Variants in ITGA9 observed in about 807,000 individuals in gnomAD.
ITGA9 encodes the protein integrin alpha-9.
In ITGA9, 56 loss-of-function variants were observed where a neutral mutation model predicts 127.8. That is an observed-to-expected ratio of 0.44 (90% confidence interval 0.35 to 0.55). The LOEUF is 0.55. Ranked by LOEUF, ITGA9 falls within the 20% of genes least tolerant of loss-of-function variation. The probability of loss-of-function intolerance (pLI) is 0.00; values close to 1 mark genes in which losing one functional copy is unlikely to be tolerated. For missense variants in ITGA9, 1,196 were observed against 1,347.1 expected, an observed-to-expected ratio of 0.89 and a Z score of 1.76; for synonymous variants, 508 against 514.5, an observed-to-expected ratio of 0.99 and a Z score of 0.17.
At chr3:37,557,411 C>G (rs1219687992) in intron 15 of ITGA9, among the ~76,000 whole-genome samples, 2 of 152,140 alleles carry the variant, frequency 1.3e-5, no homozygotes, top group East Asian at 3.9e-4. Flanking sequence ...CTACAGAGAG[C>G]TAGGGAAGCG....
At chr3:37,709,947 C>A (rs1230197126) in intron 18 of ITGA9, among the ~76,000 whole-genome samples, 1 of 152,170 alleles carries the variant, frequency 6.6e-6, no homozygotes, top group East Asian at 1.9e-4. Flanking sequence ...TGCACTCCAG[C>A]CTGGGTGACA....
intron 13 of ITGA9, 32 bp from the exon 14 acceptor site, chr3:37,533,282 C>G (rs150542603): frequency 7.2e-5 from 116 of 1,611,588 alleles, no homozygotes; most frequent in Admixed American, 3.2e-4. Context: ...CTCCTTACCA[C>G]GACTAAGTCA....
At chr3:37,780,078 A>G in intron 25 of ITGA9, 57 bp downstream of exon 25, 1 of 1,605,276 alleles carries the variant, frequency 6.2e-7, no homozygotes, top group Non-Finnish European at 8.5e-7. Flanking sequence ...AATTGTTGAC[A>G]TCTGATTTTG....
chr3:37,814,814 TA>T lies in ITGA9; in HGVS notation c.3010-4074del, dbSNP rs1386376550. On this transcript the variant is annotated intron_variant, in intron 27 of 27. Coordinates refer to ENST00000264741, the MANE Select transcript of ITGA9 (RefSeq NM_002207.3). The surrounding 1 kb of genome is among the most constrained non-coding windows in gnomAD (Gnocchi z 4.3). Reference sequence around the variant, plus strand: ...ATGTGAGTGGTATCCCCCAGCCCCTTAAATGCAGTGTAGCACCTGCACTACT... The same window carrying T: ...ATGTGAGTGGTATCCCCCAGCCCCTTAATGCAGTGTAGCACCTGCACTACT... Among the ~76,000 whole-genome samples, 2 of 152,144 alleles carry T rather than the reference TA, an allele frequency of 1.3e-5. No individual in the cohort carries two copies. Among genetic ancestry groups the T allele is most frequent in the Admixed American group, 1.3e-4 (2 of 15,266 alleles).
chr3:37,654,340 T>A (rs1310238024), intron 17 of ITGA9, among the ~76,000 whole-genome samples: 1 of 152,148 alleles, frequency 6.6e-6, no homozygotes, highest in African/African-American at 2.4e-5. Flanking sequence ...TTTCAGGGTT[T>A]CCTCCCGCAC....
intron 23 of ITGA9, among the ~76,000 whole-genome samples, chr3:37,771,625 C>T (rs941517337): frequency 6.6e-6 from 1 of 152,126 alleles, no homozygotes; most frequent in African/African-American, 2.4e-5. Flanking sequence ...TCGCTGAACT[C>T]GGGGACCTCT....
intron 15 of ITGA9, among the ~76,000 whole-genome samples, chr3:37,578,109 G>T (rs1699670515): frequency 6.6e-6 from 1 of 152,146 alleles, no homozygotes; most frequent in Non-Finnish European, 1.5e-5. Flanking sequence ...TTGTTTTGGG[G>T]GGTGGGAGGC....
chr3:37,723,226 A>G (rs1010266708), intron 18 of ITGA9, among the ~76,000 whole-genome samples: 3 of 152,122 alleles, frequency 2.0e-5, no homozygotes, highest in Non-Finnish European at 2.9e-5. Flanking sequence ...CCTATTAGAC[A>G]TATGATTTAA....
At chr3:37,522,137 C>T (rs141126282) in intron 11 of ITGA9, among the ~76,000 whole-genome samples, 2 of 152,112 alleles carry the variant, frequency 1.3e-5, no homozygotes, top group African/African-American at 4.8e-5. Context: ...TCAAAGTGAG[C>T]CCCTAGATAG....
chr3:37,761,777 G>A (rs1404911826), intron 23 of ITGA9, among the ~76,000 whole-genome samples: 1 of 152,162 alleles, frequency 6.6e-6, no homozygotes, highest in Non-Finnish European at 1.5e-5. Context: ...TGATAAAGCA[G>A]GATGTGGTAA....
intron 1 of ITGA9, among the ~76,000 whole-genome samples, chr3:37,455,919 G>C (rs996130940): frequency 2.0e-5 from 3 of 152,196 alleles, no homozygotes; most frequent in African/African-American, 7.2e-5. Flanking sequence ...AATGTGCTCT[G>C]TTGGTGGAAC....
rs928912117 is a variant in ITGA9 at position 37,685,800 on chromosome 3, A to G, written c.2067+1785A>G. Among the ~76,000 whole-genome samples the G allele has an allele frequency of 5.3e-5, 8 of 152,256 alleles. No homozygotes were observed. In the South Asian group the frequency reaches 8.3e-4, roughly 16 times the overall value. On this transcript the variant is annotated intron_variant, in intron 18 of 27. Coordinates refer to ENST00000264741, the MANE Select transcript of ITGA9 (RefSeq NM_002207.3). ...TTTACCTTGTGACTGACTAGGCTTCATTCTCTTTATTGGCTGCTAGAAAGC... is the reference window on the plus strand; with the variant it reads ...TTTACCTTGTGACTGACTAGGCTTCGTTCTCTTTATTGGCTGCTAGAAAGC...
intron 15 of ITGA9, among the ~76,000 whole-genome samples, chr3:37,584,832 G>A (rs961230006): frequency 6.6e-5 from 10 of 152,110 alleles, no homozygotes; most frequent in Admixed American, 5.2e-4. Flanking sequence ...ATAAGGTTGG[G>A]CATACAGCAT....
chr3:37,738,465 A>G (rs1696392838), intron 20 of ITGA9, among the ~76,000 whole-genome samples: 1 of 152,166 alleles, frequency 6.6e-6, no homozygotes, highest in Admixed American at 6.5e-5. Flanking sequence ...CTGAAAGAGG[A>G]GCCTGGGCGC....
chr3:37,693,983 C>T (rs1700858315), intron 18 of ITGA9, among the ~76,000 whole-genome samples: 1 of 152,208 alleles, frequency 6.6e-6, no homozygotes, highest in Non-Finnish European at 1.5e-5. Context: ...TTGCTGCTTG[C>T]CCTGGTAAGA....
chr3:37,603,646 G>C (rs1306952877), intron 15 of ITGA9, among the ~76,000 whole-genome samples: 1 of 152,194 alleles, frequency 6.6e-6, no homozygotes, highest in Non-Finnish European at 1.5e-5. Context: ...AAAGTAATCA[G>C]ACAAAGGGCC....
intron 22 of ITGA9, chr3:37,745,499 C>G (rs544668031): frequency 6.6e-6 from 1 of 152,292 alleles, no homozygotes; most frequent in Admixed American, 6.5e-5. Flanking sequence ...AGATAAAGAC[C>G]TGATGGGTTT....
chr3:37,750,482 C>A lies in ITGA9; in HGVS notation c.2454C>A (p.Ser818Arg). 1 of 1,612,550 alleles carries A rather than the reference C, an allele frequency of 6.2e-7. No individual in the cohort carries two copies. Among genetic ancestry groups the A allele is most frequent in the Non-Finnish European group, 8.5e-7 (1 of 1,178,518 alleles). The change falls in exon 23 of 28, where the codon AGC becomes AGA. Residue 818 changes from serine to arginine, a missense_variant. Ser to Arg is a moderately radical substitution (Grantham distance 110). Coordinates refer to ENST00000264741, the MANE Select transcript of ITGA9 (RefSeq NM_002207.3). The stretch of plus-strand genomic sequence containing the variant: ...CACAGGTCTACAACACTGGCCCAAG[C>A]ACCCTTCCAGGGTCATCTGTCAGCA... ...ITLQVYNTGP[S>R]TLPGSSVSIS... is the part of the protein sequence containing the mutation.
At chr3:37,627,687 T>A (rs1700189511) in intron 15 of ITGA9, among the ~76,000 whole-genome samples, 1 of 152,232 alleles carries the variant, frequency 6.6e-6, no homozygotes, top group African/African-American at 2.4e-5. Context: ...GGGTGAATGC[T>A]GCTACAGTTT....
Sources: allele counts gnomAD v4.1 joint callset (sites outside exome capture counted in the v4.1 genomes callset), GRCh38; gene constraint gnomAD v4.1.1; non-coding constraint Gnocchi (gnomAD v3.1); transcripts MANE v1.5; gene names NCBI Gene and HGNC (gene_info 2026-07-23, HGNC 2026-07-21).